The following CSMD3 variants were observed in gnomAD, a reference collection of about 807,000 sequenced individuals.
CSMD3 encodes the protein CUB and sushi domain-containing protein 3.
CSMD3 carries 177 observed loss-of-function variants against 435.2 expected under a neutral mutation model. The observed-to-expected ratio is 0.41, with a 90% CI of 0.36 to 0.46. CSMD3 has a LOEUF of 0.46. CSMD3 is among the 20% of genes least tolerant of loss of function. CSMD3 has a pLI of 0.34. For missense variants in CSMD3, 4,265 were observed against 4,504.6 expected (o/e 0.95, Z 1.52); for synonymous variants, 1,656 against 1,520.5 (o/e 1.09, Z -2.07).
In CSMD3 at chr8:112,633,050, T is replaced by C. The variant is rs2074560587; in HGVS notation, c.3715+3767A>G. Among the ~76,000 whole-genome samples the C allele has an allele frequency of 3.3e-5, 5 of 152,086 alleles. 1 individual carries two copies. Among genetic ancestry groups the C allele is most frequent in the Admixed American group, 3.3e-4 (5 of 15,242 alleles). ...ATTTCAGATAGTAAAACTTTCATCTTGATTACTAACTAGTAAACGAGATTT... is the reference window on the plus strand; with the variant it reads ...ATTTCAGATAGTAAAACTTTCATCTCGATTACTAACTAGTAAACGAGATTT... On this transcript the variant is annotated intron_variant, in intron 22 of 70. Transcript: ENST00000297405.
chr8:112,670,110 G>A (rs1000395932), intron 16 of CSMD3, among the ~76,000 whole-genome samples: 1 of 152,126 alleles, frequency 6.6e-6, no homozygotes, highest in Non-Finnish European at 1.5e-5. Flanking sequence ...ATGTTTCATA[G>A]AAGAGATTCT....
chr8:112,596,560 C>T (rs867333381), intron 22 of CSMD3, among the ~76,000 whole-genome samples: 79 of 152,130 alleles, frequency 5.2e-4, no homozygotes, highest in African/African-American at 1.7e-3. Flanking sequence ...CAACAGAATA[C>T]ACATTTTTTT....
intron 66 of CSMD3, among the ~76,000 whole-genome samples, chr8:112,238,850 C>T (rs542425558): frequency 1.4e-4 from 22 of 151,980 alleles, no homozygotes; most frequent in African/African-American, 4.6e-4. Flanking sequence ...ACTAAAACAT[C>T]CCTGCATAGC....
chr8:112,772,357 G>A (rs1327185641), intron 13 of CSMD3, among the ~76,000 whole-genome samples: 1 of 152,070 alleles, frequency 6.6e-6, no homozygotes, highest in Non-Finnish European at 1.5e-5. Context: ...GGGTTAAATC[G>A]ATTAAGGGCT....
intron 61 of CSMD3, among the ~76,000 whole-genome samples, chr8:112,262,700 T>C (rs2130368072): frequency 6.6e-6 from 1 of 152,268 alleles, no homozygotes; most frequent in East Asian, 1.9e-4. Context: ...AAAAGCCCTC[T>C]TGCAAAAGCA....
chr8:112,251,999 T>C (rs1815309580), intron 63 of CSMD3, among the ~76,000 whole-genome samples: 1 of 151,948 alleles, frequency 6.6e-6, no homozygotes, highest in African/African-American at 2.4e-5. Context: ...ATGAGTAATA[T>C]ATTTTGTATG....
intron 2 of CSMD3, among the ~76,000 whole-genome samples, chr8:113,285,433 T>C (rs887532897): frequency 5.9e-5 from 9 of 152,086 alleles, no homozygotes; most frequent in African/African-American, 2.2e-4. Flanking sequence ...GCTAAGTTTT[T>C]GTTTTTTAGT....
intron 10 of CSMD3, among the ~76,000 whole-genome samples, chr8:112,920,997 G>GCGCA (rs1458338482): frequency 7.8e-5 from 9 of 114,976 alleles, no homozygotes; most frequent in African/African-American, 2.7e-4. Context: ...ACGCGCGCGC[G>GCGCA]CACACACACA....
chr8:112,420,321 A>G (rs1358292774), intron 32 of CSMD3, among the ~76,000 whole-genome samples: 1 of 152,098 alleles, frequency 6.6e-6, no homozygotes. Context: ...CCCCAACATC[A>G]TATTCTTTTT....
intron 3 of CSMD3, among the ~76,000 whole-genome samples, chr8:113,223,622 CAT>C (rs3048833): frequency 0.021 from 3,102 of 146,078 alleles, 115 homozygotes; most frequent in African/African-American, 0.072. Context: ...GTCAAGTATA[CAT>C]ATATATATAT....
chr8:112,419,563 T>C (rs1812263942), intron 32 of CSMD3, among the ~76,000 whole-genome samples: 2 of 152,190 alleles, frequency 1.3e-5, no homozygotes, highest in Non-Finnish European at 2.9e-5. Flanking sequence ...ACAATTTCTT[T>C]GTGTGATACT....
intron 11 of CSMD3, among the ~76,000 whole-genome samples, chr8:112,843,593 A>C (rs142893631): frequency 6.6e-6 from 1 of 151,940 alleles, no homozygotes; most frequent in African/African-American, 2.4e-5. Flanking sequence ...CATTAGAGGA[A>C]GAAGTCAGAA....
intron 10 of CSMD3, among the ~76,000 whole-genome samples, chr8:112,903,111 C>T (rs1326030667): frequency 8.1e-6 from 1 of 123,406 alleles, no homozygotes; most frequent in Non-Finnish European, 1.6e-5. Flanking sequence ...TAACGGCAAC[C>T]ACAGTCATTC....
chr8:112,831,004 G>T (rs889766214), intron 11 of CSMD3, among the ~76,000 whole-genome samples: 1 of 151,928 alleles, frequency 6.6e-6, no homozygotes, highest in Non-Finnish European at 1.5e-5. Flanking sequence ...AGCTAGGATG[G>T]TCTCAATCTC....
intron 5 of CSMD3, among the ~76,000 whole-genome samples, chr8:113,059,180 C>T (rs912669078): frequency 6.6e-6 from 1 of 152,120 alleles, no homozygotes; most frequent in African/African-American, 2.4e-5. Flanking sequence ...CTGTAGGCAT[C>T]TCAAAGCAAT....
chr8:113,064,708 G>A (rs1205663229), intron 5 of CSMD3, among the ~76,000 whole-genome samples: 1 of 152,190 alleles, frequency 6.6e-6, no homozygotes, highest in African/African-American at 2.4e-5. Context: ...CATGTTCAGT[G>A]ATAGCAGGTT....
chr8:113,241,182 T>C (rs2093211266), intron 3 of CSMD3, among the ~76,000 whole-genome samples: 1 of 152,122 alleles, frequency 6.6e-6, no homozygotes, highest in South Asian at 2.1e-4. Context: ...ACATTTCTAA[T>C]CTCAAATAAG....
intron 1 of CSMD3, among the ~76,000 whole-genome samples, chr8:113,335,300 C>T (rs2094063674): frequency 6.6e-6 from 1 of 151,962 alleles, no homozygotes; most frequent in South Asian, 2.1e-4. Context: ...TACCCAGTCT[C>T]GGGTATTTCT....
At chr8:112,717,151 A>AT (rs1305958315) in intron 13 of CSMD3, among the ~76,000 whole-genome samples, 3 of 151,888 alleles carry the variant, frequency 2.0e-5, no homozygotes, top group Admixed American at 6.6e-5. Flanking sequence ...AATGGGAGAA[A>AT]TTTTTTGCAA....
Sources: gnomAD v4.1 joint callset for allele counts (sites outside exome capture counted in the v4.1 genomes callset) on GRCh38, gnomAD v4.1.1 for gene constraint, MANE v1.5 for transcripts, NCBI Gene and HGNC (gene_info 2026-07-23, HGNC 2026-07-21) for gene names.